Variants in KAZN observed in about 807,000 individuals in gnomAD.
KAZN encodes kazrin, periplakin interacting protein.
A neutral mutation model predicts 87.4 loss-of-function variants in KAZN; 40 were observed. The ratio of observed to expected loss-of-function variants is 0.46; its 90% CI spans 0.36 to 0.60. The LOEUF is 0.60. KAZN is among the 20% of genes least tolerant of loss of function. The pLI is 0.00. For missense variants in KAZN, 898 were observed against 1,073.9 expected, an observed-to-expected ratio of 0.84 and a Z score of 2.29; for synonymous variants, 466 against 458.3, an observed-to-expected ratio of 1.02 and a Z score of -0.22.
intron 2 of KAZN, among the ~76,000 whole-genome samples, chr1:14,500,194 G>A (rs936283487): frequency 6.6e-6 from 1 of 151,958 alleles, no homozygotes; most frequent in African/African-American, 2.4e-5. Flanking sequence ...GTATTCCTTG[G>A]GCAAATAAAG....
intron 1 of KAZN, among the ~76,000 whole-genome samples, chr1:14,710,007 TGTCATACGCC>T (rs1367968682): frequency 1.3e-5 from 2 of 152,160 alleles, no homozygotes; most frequent in African/African-American, 4.8e-5. Context: ...TGAGATCACG[TGTCATACGCC>T]GTCACATAAT....
chr1:14,595,931 C>T (rs1676484089), upstream of KAZN, among the ~76,000 whole-genome samples: 1 of 151,988 alleles, frequency 6.6e-6, no homozygotes, highest in Non-Finnish European at 1.5e-5. Flanking sequence ...TCTAAAGCAG[C>T]TTCTTGAAAC....
intron 4 of KAZN, among the ~76,000 whole-genome samples, chr1:15,047,718 C>A (rs957471471): frequency 1.3e-5 from 2 of 152,082 alleles, no homozygotes; most frequent in African/African-American, 4.8e-5. Context: ...TTGCACTGAG[C>A]CAAAATCGCA....
chr1:15,062,012 GT>G (rs1225775031), intron 6 of KAZN: 1 of 152,158 alleles, frequency 6.6e-6, no homozygotes, highest in African/African-American at 2.4e-5. Context: ...AGCCAGCAGT[GT>G]CCCTGCACCA....
At chr1:15,080,089 G>A (rs1639926524) in intron 8 of KAZN, among the ~76,000 whole-genome samples, 1 of 152,112 alleles carries the variant, frequency 6.6e-6, no homozygotes, top group African/African-American at 2.4e-5. Flanking sequence ...CTGGCCCTTT[G>A]GAAAATTTTC....
chr1:14,374,875 G>A (rs1414215998), intron 2 of KAZN, among the ~76,000 whole-genome samples: 3 of 152,188 alleles, frequency 2.0e-5, no homozygotes, highest in Admixed American at 1.3e-4. Flanking sequence ...GGAAAAGGAG[G>A]TCAGTAAATT....
intron 2 of KAZN, among the ~76,000 whole-genome samples, chr1:14,253,649 A>G (rs138975100): frequency 1.3e-5 from 2 of 152,034 alleles, no homozygotes; most frequent in African/African-American, 4.8e-5. Context: ...TCCAGGTGTA[A>G]TGGTAACTTC....
At chr1:14,589,757 A>G (rs1371932190) in intron 2 of KAZN, among the ~76,000 whole-genome samples, 1 of 152,118 alleles carries the variant, frequency 6.6e-6, no homozygotes, top group African/African-American at 2.4e-5. Context: ...ACCTAATATA[A>G]TGTTTCCTCT....
rs1205833451 is a variant in KAZN, at chr1:13,893,830, GGTCTGTGTGT to G, written c.91+85_91+94del. ...GTTATCCCGGGTCCCCAAAAACAGCGGTCTGTGTGTGTCTGTGTGTCTGTCAGTCTACCTC... is the reference window on the plus strand; with the variant it reads ...GTTATCCCGGGTCCCCAAAAACAGCGGTCTGTGTGTCTGTCAGTCTACCTC... On this transcript the variant is annotated intron_variant, in intron 1 of 16. Transcript: ENST00000636203. 4 of 1,519,110 alleles carry G rather than the reference GGTCTGTGTGT, an allele frequency of 2.6e-6. No homozygotes were observed. The African/African-American group carries it at 4.1e-5, about 16-fold the overall frequency. The allele number at this position is 1,519,110 out of a possible 1,614,324, so 94.1% of individuals were successfully genotyped here.
chr1:14,191,644 G>A lies in KAZN; in HGVS notation c.249+11052G>A, dbSNP rs996631769. Among the ~76,000 whole-genome samples the A allele has an allele frequency of 2.0e-5, 3 of 152,242 alleles. No individual in the cohort carries two copies. The East Asian group carries it at 5.8e-4, about 29-fold the overall frequency. On this transcript the variant is annotated intron_variant, in intron 2 of 16. Coordinates refer to the KAZN transcript ENST00000636203. ...GCTGTATCCGTCATAGTTTTTAACA[G>A]CAGACATCAGCAAACCCTCTAATTT...
chr1:14,417,434 G>C (rs200081158), intron 2 of KAZN, among the ~76,000 whole-genome samples: 1 of 152,162 alleles, frequency 6.6e-6, no homozygotes, highest in African/African-American at 2.4e-5. Flanking sequence ...TTCACAGAAA[G>C]GTGAACTAAG....
intron 1 of KAZN, among the ~76,000 whole-genome samples, chr1:13,999,122 G>A (rs1170466090): frequency 6.6e-6 from 1 of 152,166 alleles, no homozygotes; most frequent in Non-Finnish European, 1.5e-5. Context: ...GGCCGAGGCA[G>A]GTGGATCTTC....
At chr1:14,870,747 C>T (rs1159167458) in intron 1 of KAZN, among the ~76,000 whole-genome samples, 1 of 152,184 alleles carries the variant, frequency 6.6e-6, no homozygotes, top group African/African-American at 2.4e-5. Context: ...GGCCCATGGT[C>T]AGCTCTCAAT....
intron 1 of KAZN, among the ~76,000 whole-genome samples, chr1:14,882,191 G>A (rs1653411111): frequency 6.6e-6 from 1 of 152,222 alleles, no homozygotes. Context: ...AACAGGAAGT[G>A]TTGTTATCTC....
intron 2 of KAZN, among the ~76,000 whole-genome samples, chr1:14,336,604 ACCT>A (rs1483474007): frequency 6.6e-6 from 1 of 151,858 alleles, no homozygotes; most frequent in African/African-American, 2.4e-5. Flanking sequence ...CATTTTCTCT[ACCT>A]CCTCATCAAC....
At chr1:14,520,745 T>G (rs1415812341) in intron 2 of KAZN, among the ~76,000 whole-genome samples, 2 of 152,320 alleles carry the variant, frequency 1.3e-5, no homozygotes, top group African/African-American at 4.8e-5. Context: ...TAGCCTGTGA[T>G]CATCCTCCCA....
chr1:14,393,467 CTGTG>C (rs1662627586), intron 2 of KAZN, among the ~76,000 whole-genome samples: 1 of 152,142 alleles, frequency 6.6e-6, no homozygotes, highest in Non-Finnish European at 1.5e-5. Flanking sequence ...TGAGGATCCT[CTGTG>C]TGCCTTTGGG....
chr1:14,309,171 G>C (rs1655120353), intron 2 of KAZN, among the ~76,000 whole-genome samples: 1 of 152,108 alleles, frequency 6.6e-6, no homozygotes, highest in Non-Finnish European at 1.5e-5. Context: ...TAGGCTAGAA[G>C]AAGAAATGGG....
intron 1 of KAZN, among the ~76,000 whole-genome samples, chr1:14,617,250 C>T (rs1276338705): frequency 1.3e-5 from 2 of 152,130 alleles, no homozygotes; most frequent in African/African-American, 2.4e-5. Context: ...AAGCAAATAT[C>T]GAAATAAAGT....
Sources: allele counts gnomAD v4.1 joint callset (sites outside exome capture counted in the v4.1 genomes callset), GRCh38; gene constraint gnomAD v4.1.1; transcripts MANE v1.5; gene names NCBI Gene and HGNC (gene_info 2026-07-23, HGNC 2026-07-21).